DNMT1: variants seen among roughly 807,000 people sequenced by gnomAD.
DNMT1 encodes DNA (cytosine-5)-methyltransferase 1.
A neutral mutation model predicts 205.3 loss-of-function variants in DNMT1; 24 were observed. The observed-to-expected ratio is 0.12, with a 90% CI of 0.08 to 0.16. DNMT1 has a LOEUF of 0.16. DNMT1 is among the 10% of genes least tolerant of loss of function. The probability of loss-of-function intolerance (pLI) is 1.00; values close to 1 mark genes in which losing one functional copy is unlikely to be tolerated. For missense variants in DNMT1, 1,293 were observed against 2,177.7 expected (o/e 0.59, Z 8.09); for synonymous variants, 817 against 839.8 (o/e 0.97, Z 0.47).
chr19:10,153,291 A>G (rs2038387354), intron 22 of DNMT1, among the ~76,000 whole-genome samples: 1 of 152,198 alleles, frequency 6.6e-6, no homozygotes, highest in Admixed American at 6.6e-5. Context: ...TTAAAATGAA[A>G]TAACTAGATC....
chr19:10,186,369 C>T (rs963554942), intron 1 of DNMT1, among the ~76,000 whole-genome samples: 1 of 152,112 alleles, frequency 6.6e-6, no homozygotes. Flanking sequence ...CATCCCTTCC[C>T]TGGTAAAACT....
At chr19:10,150,087 A>G in intron 24 of DNMT1, 119 bp from the exon 25 acceptor site, 1 of 871,138 alleles carries the variant, frequency 1.1e-6, no homozygotes. Context: ...GAAGTCAATG[A>G]AGAGTTGCTG....
intron 1 of DNMT1, among the ~76,000 whole-genome samples, chr19:10,190,711 G>C (rs1389526409): frequency 6.6e-6 from 1 of 151,752 alleles, no homozygotes; most frequent in African/African-American, 2.4e-5. Flanking sequence ...GTTGCAGTGA[G>C]CCAAGTTCGC....
intron 29 of DNMT1, among the ~76,000 whole-genome samples, chr19:10,143,118 A>C (rs2089636074): frequency 6.6e-6 from 1 of 152,274 alleles, no homozygotes; most frequent in African/African-American, 2.4e-5. Context: ...AAAATCCCAG[A>C]GACAGAAAGG....
chr19:10,150,111 C>T (rs2038306972), intron 24 of DNMT1, 143 bp from the exon 25 acceptor site: 1 of 765,642 alleles, frequency 1.3e-6, no homozygotes, highest in South Asian at 1.5e-5. Flanking sequence ...AAGAGAACAT[C>T]CTGTTCTACA....
Position 10,140,409 on chromosome 19 carries a change from AC to A in DNMT1, c.3524-82del. The A allele has an allele frequency of 1.3e-6, 2 of 1,545,338 alleles. No individual in the cohort carries two copies. ...TTTTGAGATGGAGTCTCGCTCTGTC[AC>A]CCAGGCTGGAGTGCAGTGGTGTGAT... On this transcript the variant is annotated intron_variant, in intron 32 of 40. Coordinates refer to ENST00000359526, the MANE Select transcript of DNMT1 (RefSeq NM_001130823.3). The surrounding 1 kb of genome is among the most constrained non-coding windows in gnomAD (Gnocchi z 8.4).
In DNMT1 at chr19:10,151,064, C is replaced by T. The variant is rs914105798; in HGVS notation, c.2265+334G>A. Among the ~76,000 whole-genome samples the T allele has an allele frequency of 6.6e-6, 1 of 152,190 alleles. No homozygotes were observed. The highest frequency in any genetic ancestry group is 2.4e-5 in the African/African-American group (1 of 41,440). ...GAGCTGAGATCGTGCCACTGCACTC[C>T]AGCCTGGGTGACAGAGCAAGATTCC... On this transcript the variant is annotated intron_variant, in intron 24 of 40. Coordinates refer to ENST00000359526, the MANE Select transcript of DNMT1 (RefSeq NM_001130823.3). This position sits in a 1 kb window ranked among gnomAD's most constrained non-coding sequence, Gnocchi z 5.0.
Position 10,156,082 on chromosome 19 carries a change from G to T in DNMT1, c.1400-137C>A. Reference sequence around the variant, plus strand: ...AGTCATCACAATGACTTGGCCTACAGCTGCTCCTGGCACAAAGTCTCACAC... The same window carrying T: ...AGTCATCACAATGACTTGGCCTACATCTGCTCCTGGCACAAAGTCTCACAC... On this transcript the variant is annotated intron_variant, in intron 18 of 40. Coordinates refer to ENST00000359526, the MANE Select transcript of DNMT1 (RefSeq NM_001130823.3). This position sits in a 1 kb window ranked among gnomAD's most constrained non-coding sequence, Gnocchi z 4.2. 1.2e-6 allele frequency: 1 copy of T among 832,260 alleles called. No homozygotes were observed. The highest frequency in any genetic ancestry group is 2.0e-6 in the Non-Finnish European group (1 of 511,560). The allele number at this position is 832,260 out of a possible 1,614,324, so 51.6% of individuals were successfully genotyped here.
At chr19:10,141,432 T>C (rs1385826589) in intron 30 of DNMT1, 8 of 518,706 alleles carry the variant, frequency 1.5e-5, no homozygotes, top group Non-Finnish European at 2.1e-5. Context: ...TGAGAGTACC[T>C]TCTAGAACAG....
At chr19:10,134,559 C>CA (rs1406786395) in intron 39 of DNMT1, among the ~76,000 whole-genome samples, 2 of 152,222 alleles carry the variant, frequency 1.3e-5, no homozygotes, top group East Asian at 3.9e-4. Context: ...AGACTTGAGA[C>CA]AAAGACACGT....
intron 1 of DNMT1, 124 bp downstream of exon 1, chr19:10,194,696 G>C: frequency 7.6e-7 from 1 of 1,317,816 alleles, no homozygotes; most frequent in Non-Finnish European, 1.0e-6. Flanking sequence ...GCTGCGCGCC[G>C]CACCACCCCA....
At position 10,154,203 on chromosome 19, in the gene DNMT1, A is replaced by G; in HGVS notation, c.2019+90T>C. ...GTCACATTTGAGCAGCCAGAGTCTC[A>G]AGCCACAGAGAGAAAGATGGAGCAG... On this transcript the variant is annotated intron_variant, in intron 22 of 40. Transcript: ENST00000359526. This position sits in a 1 kb window ranked among gnomAD's most constrained non-coding sequence, Gnocchi z 6.3. 1 of 1,381,564 alleles carries G rather than the reference A, an allele frequency of 7.2e-7. No homozygotes were observed. Among genetic ancestry groups the G allele is most frequent in the Non-Finnish European group, 1.0e-6 (1 of 975,032 alleles). The allele number at this position is 1,381,564 out of a possible 1,614,324, so 85.6% of individuals were successfully genotyped here.
At chr19:10,162,161 CAG>C (rs1290296265) in intron 13 of DNMT1, among the ~76,000 whole-genome samples, 2 of 147,850 alleles carry the variant, frequency 1.4e-5, no homozygotes, top group African/African-American at 5.0e-5. Flanking sequence ...TTTTTTGAGA[CAG>C]AGTCTTGCTC....
chr19:10,188,891 C>G (rs2039246183), intron 1 of DNMT1, among the ~76,000 whole-genome samples: 1 of 152,144 alleles, frequency 6.6e-6, no homozygotes, highest in African/African-American at 2.4e-5. Context: ...AAAATGGGAC[C>G]TGAGTCTTAC....
chr19:10,153,806 C>A (rs752812684), intron 22 of DNMT1, among the ~76,000 whole-genome samples: 1 of 152,086 alleles, frequency 6.6e-6, no homozygotes, highest in Non-Finnish European at 1.5e-5. Context: ...CAGTCTTTAT[C>A]CAAAAGAAAG....
chr19:10,139,222 G>A (rs980165343), intron 34 of DNMT1, among the ~76,000 whole-genome samples: 1 of 152,098 alleles, frequency 6.6e-6, no homozygotes, highest in Non-Finnish European at 1.5e-5. Context: ...TGCAACCCTC[G>A]GCCATCTGTG....
At position 10,193,667 on chromosome 19, in the gene DNMT1, A is replaced by G. The variant is rs554327249; in HGVS notation, c.80+1153T>C. Among the ~76,000 whole-genome samples the G allele has an allele frequency of 3.2e-3, 343 of 107,404 alleles. 3 individuals are homozygous for G. Among genetic ancestry groups the G allele is most frequent in the African/African-American group, 0.014 (324 of 22,896 alleles). 70.5% of individuals were successfully genotyped at this position (107,404 alleles called of 152,430 possible). ...CATAAGCCACAGCACCCAGCCTTCAAAAAAAAAAAAAAAAAGAAAAGAAAA... is the reference window on the plus strand; with the variant it reads ...CATAAGCCACAGCACCCAGCCTTCAGAAAAAAAAAAAAAAAGAAAAGAAAA... On this transcript the variant is annotated intron_variant, in intron 1 of 40. Transcript: ENST00000359526.
chr19:10,156,362 C>T lies in DNMT1; in HGVS notation c.1399+29G>A, dbSNP rs969876591. The T allele has an allele frequency of 6.4e-7, 1 of 1,569,992 alleles. No individual in the cohort carries two copies. Among genetic ancestry groups the T allele is most frequent in the Non-Finnish European group, 8.8e-7 (1 of 1,141,736 alleles). ...CTGCCTGGCTGTTTTTAAAGTGTGC[C>T]CCAAACATAATCCCGGACTATTCCT... On this transcript the variant is annotated intron_variant, in intron 18 of 40. Transcript: ENST00000359526. The surrounding 1 kb of genome is among the most constrained non-coding windows in gnomAD (Gnocchi z 4.2).
chr19:10,184,073 G>A (rs1032963462), intron 1 of DNMT1, among the ~76,000 whole-genome samples: 12 of 152,094 alleles, frequency 7.9e-5, no homozygotes, highest in African/African-American at 2.9e-4. Flanking sequence ...CCAGGAAAGA[G>A]GGGGCAGGTC....
Sources: allele counts gnomAD v4.1 joint callset (sites outside exome capture counted in the v4.1 genomes callset), GRCh38; gene constraint gnomAD v4.1.1; non-coding constraint Gnocchi (gnomAD v3.1); transcripts MANE v1.5; gene names NCBI Gene and HGNC (gene_info 2026-07-23, HGNC 2026-07-21).